CWC27: variants seen among roughly 807,000 people sequenced by gnomAD.
CWC27 encodes CWC27 spliceosome associated cyclophilin.
In CWC27, 47 loss-of-function variants were observed where a neutral mutation model predicts 63.6. The ratio of observed to expected loss-of-function variants is 0.74; its 90% confidence interval spans 0.58 to 0.94. CWC27 has a LOEUF of 0.94. CWC27 is among the 40% of genes least tolerant of loss of function. CWC27 has a pLI of 0.00. For missense variants in CWC27, 495 were observed against 554.3 expected (o/e 0.89, Z 1.07); for synonymous variants, 175 against 179.8 (o/e 0.97, Z 0.22).
intron 10 of CWC27, among the ~76,000 whole-genome samples, chr5:64,845,248 C>A (rs1254681190): frequency 6.6e-6 from 1 of 152,178 alleles, no homozygotes; most frequent in African/African-American, 2.4e-5. Flanking sequence ...CTATCCATGC[C>A]AAAGAACACC....
rs1265353328 is a variant in CWC27, at chr5:64,781,907, TA to T, written c.140-13del. 10 of 1,358,676 alleles carry T rather than the reference TA, an allele frequency of 7.4e-6. No individual in the cohort carries two copies. Among genetic ancestry groups the T allele is most frequent in the East Asian group, 2.3e-5 (1 of 43,036 alleles). The allele number at this position is 1,358,676 out of a possible 1,614,324, so 84.2% of individuals were successfully genotyped here. On this transcript the variant is annotated splice_polypyrimidine_tract_variant and intron_variant, in intron 2 of 13. Coordinates refer to ENST00000381070, the MANE Select transcript of CWC27 (RefSeq NM_005869.4). ...ATTTTAGACATTGATAAATTATTTT[TA>T]TTTTTTTTTCAGCTTATTATGACAA...
intron 10 of CWC27, among the ~76,000 whole-genome samples, chr5:64,857,498 A>G (rs1746283553): frequency 6.6e-6 from 1 of 152,198 alleles, no homozygotes; most frequent in Admixed American, 6.5e-5. Flanking sequence ...CATAATGTCT[A>G]ATTTGTTGAC....
chr5:64,834,090 C>A (rs909375934), intron 10 of CWC27, among the ~76,000 whole-genome samples: 1 of 148,108 alleles, frequency 6.8e-6, no homozygotes, highest in Admixed American at 6.8e-5. Flanking sequence ...TCATGCCCCT[C>A]GCTTTTTTTT....
intron 12 of CWC27, chr5:64,972,576 A>G (rs552211723): frequency 2.0e-5 from 8 of 396,202 alleles, no homozygotes; most frequent in African/African-American, 1.7e-4. Context: ...TTTTAGTTGT[A>G]TAAATAAAAC....
intron 11 of CWC27, among the ~76,000 whole-genome samples, chr5:64,892,469 T>A (rs1429406290): frequency 1.3e-5 from 2 of 152,206 alleles, no homozygotes; most frequent in African/African-American, 2.4e-5. Flanking sequence ...GATTACCCCA[T>A]AATACTTCGC....
intron 10 of CWC27, among the ~76,000 whole-genome samples, chr5:64,871,543 G>A (rs749274706): frequency 7.5e-4 from 114 of 152,064 alleles, no homozygotes; most frequent in Non-Finnish European, 1.3e-3. Context: ...CAAAAAGTGA[G>A]GCAAGAGATA....
At chr5:64,858,644 A>G (rs1178467084) in intron 10 of CWC27, among the ~76,000 whole-genome samples, 2 of 152,116 alleles carry the variant, frequency 1.3e-5, no homozygotes, top group Non-Finnish European at 2.9e-5. Flanking sequence ...ATTGGGGCCA[A>G]TAAACACAGA....
chr5:64,948,912 A>G (rs1390104272), intron 11 of CWC27, among the ~76,000 whole-genome samples: 1 of 152,008 alleles, frequency 6.6e-6, no homozygotes, highest in African/African-American at 2.4e-5. Flanking sequence ...ATAATAGTCT[A>G]CAGAACCTTG....
At chr5:64,893,847 T>C (rs1356330605) in intron 11 of CWC27, among the ~76,000 whole-genome samples, 1 of 152,132 alleles carries the variant, frequency 6.6e-6, no homozygotes, top group Non-Finnish European at 1.5e-5. Context: ...TTAGAAACTC[T>C]GATCTTGCGT....
intron 10 of CWC27, among the ~76,000 whole-genome samples, chr5:64,814,379 T>C (rs1744969600): frequency 6.6e-6 from 1 of 152,080 alleles, no homozygotes; most frequent in Admixed American, 6.6e-5. Flanking sequence ...CCTATACAAA[T>C]GAATAAGGGC....
chr5:64,813,659 A>G (rs1161509946), intron 10 of CWC27, among the ~76,000 whole-genome samples: 1 of 152,222 alleles, frequency 6.6e-6, no homozygotes, highest in Non-Finnish European at 1.5e-5. Context: ...CATTATGTGC[A>G]GAAAAACATT....
intron 4 of CWC27, among the ~76,000 whole-genome samples, chr5:64,784,837 C>A (rs1743826660): frequency 6.6e-6 from 1 of 152,168 alleles, no homozygotes; most frequent in African/African-American, 2.4e-5. Context: ...TTGAGCCACT[C>A]CAGCACAGCC....
chr5:64,978,630 G>A (rs1325872530), intron 13 of CWC27, among the ~76,000 whole-genome samples: 1 of 150,644 alleles, frequency 6.6e-6, no homozygotes, highest in East Asian at 1.9e-4. Flanking sequence ...TTGGCGGTGG[G>A]GGGGATTCCT....
In CWC27 at chr5:64,844,313, T is replaced by G. The variant is rs562064968; in HGVS notation, c.938+39927T>G. ...GTCATATTGACCAGTGCATGGATCT[T>G]GACAGTACCTCTGTGTTCCTGACAG... On this transcript the variant is annotated intron_variant, in intron 10 of 13. Coordinates refer to ENST00000381070, the MANE Select transcript of CWC27 (RefSeq NM_005869.4). 2.6e-5 allele frequency among the ~76,000 whole-genome samples: 4 copies of G among 152,346 alleles called. No individual in the cohort carries two copies. The East Asian group carries it at 7.7e-4, about 29-fold the overall frequency.
chr5:64,824,139 A>G (rs1377892901), intron 10 of CWC27, among the ~76,000 whole-genome samples: 3 of 152,142 alleles, frequency 2.0e-5, no homozygotes, highest in Non-Finnish European at 4.4e-5. Context: ...AAACCCAATG[A>G]CATTTATTGC....
At chr5:64,787,160 G>A (rs1580597083) in intron 6 of CWC27, among the ~76,000 whole-genome samples, 1 of 152,230 alleles carries the variant, frequency 6.6e-6, no homozygotes, top group African/African-American at 2.4e-5. Flanking sequence ...AAAACACATG[G>A]GGATTGTGGG....
chr5:64,779,949 G>A (rs1743604514), intron 2 of CWC27, among the ~76,000 whole-genome samples: 1 of 152,142 alleles, frequency 6.6e-6, no homozygotes, highest in Non-Finnish European at 1.5e-5. Flanking sequence ...CGCCATGATT[G>A]TAAGTTTCCT....
At chr5:64,874,399 C>T (rs1405930343) in intron 10 of CWC27, among the ~76,000 whole-genome samples, 13 of 151,422 alleles carry the variant, frequency 8.6e-5, no homozygotes, top group African/African-American at 1.9e-4. Flanking sequence ...TGACCTCGTT[C>T]GTGATCCTCC....
Position 65,018,193 on chromosome 5 carries a change from A to C in CWC27, c.1291A>C (p.Arg431=), listed in dbSNP as rs1253121747. 6.2e-7 allele frequency: 1 copy of C among 1,605,888 alleles called. No homozygotes were observed. Among genetic ancestry groups the C allele is most frequent in the Non-Finnish European group, 8.5e-7 (1 of 1,177,802 alleles). Residue 431 remains arginine (R), a synonymous_variant, in exon 14 of 14, where the codon AGA becomes CGA. Transcript: ENST00000381070. ...TGTACTTCAGTTTGAGGATAAAAGC[A>C]GAAAAGTGAAAGATGCAAGCATGCA... The part of the protein sequence containing the change: ...SHVLQFEDKS[R]KVKDASMQDS...
Sources: allele counts gnomAD v4.1 joint callset (sites outside exome capture counted in the v4.1 genomes callset), GRCh38; gene constraint gnomAD v4.1.1; transcripts MANE v1.5; gene names NCBI Gene and HGNC (gene_info 2026-07-23, HGNC 2026-07-21).